ZFYVE28: variants seen among roughly 807,000 people sequenced by gnomAD.
The protein encoded by ZFYVE28 is lateral signaling target protein 2 homolog.
ZFYVE28 carries 40 observed loss-of-function variants against 82.1 expected under a neutral mutation model. The ratio of observed to expected loss-of-function variants is 0.49; its 90% CI spans 0.38 to 0.63. The LOEUF is 0.63. Ranked by LOEUF, ZFYVE28 falls within the 30% of genes least tolerant of loss-of-function variation. The probability of loss-of-function intolerance (pLI) is 0.00; values close to 1 mark genes in which losing one functional copy is unlikely to be tolerated. For missense variants in ZFYVE28, 1,321 were observed against 1,242.1 expected, an observed-to-expected ratio of 1.06 and a Z score of -0.96; for synonymous variants, 612 against 546.1, an observed-to-expected ratio of 1.12 and a Z score of -1.68.
chr4:2,391,455 CTTTTT>C (rs140103966), intron 1 of ZFYVE28, among the ~76,000 whole-genome samples: 61 of 117,224 alleles, frequency 5.2e-4, no homozygotes, highest in Non-Finnish European at 1.7e-4. Context: ...GGTCAATTAT[CTTTTT>C]TTTTTTTTTT....
In ZFYVE28 at chr4:2,333,000, T is replaced by C. The variant is rs1720960957; in HGVS notation, c.701+2705A>G. Among the ~76,000 whole-genome samples the C allele has an allele frequency of 6.6e-6, 1 of 151,844 alleles. No individual in the cohort carries two copies. Among genetic ancestry groups the C allele is most frequent in the South Asian group, 2.1e-4 (1 of 4,816 alleles). On this transcript the variant is annotated intron_variant, in intron 6 of 12. Transcript: ENST00000290974. The surrounding 1 kb of genome is among the most constrained non-coding windows in gnomAD (Gnocchi z 4.7). ...TTTGGGCTCTTATGCCCTCTCGCCC[T>C]TCCTCCCTCCTTCAATCCAAGCCCC...
intron 8 of ZFYVE28, among the ~76,000 whole-genome samples, chr4:2,294,394 T>C (rs1008923481): frequency 6.6e-6 from 1 of 152,238 alleles, no homozygotes; most frequent in African/African-American, 2.4e-5. Flanking sequence ...ACTTTCCTTA[T>C]GCAAAACAAA....
At chr4:2,336,867 G>GT (rs1560228348) in intron 5 of ZFYVE28, among the ~76,000 whole-genome samples, 3 of 122,810 alleles carry the variant, frequency 2.4e-5, no homozygotes, top group Admixed American at 8.7e-5. Flanking sequence ...AGGTGAGGAG[G>GT]GAGGAGGTGA....
intron 1 of ZFYVE28, among the ~76,000 whole-genome samples, chr4:2,413,642 CT>C (rs1220754543): frequency 1.3e-5 from 2 of 152,236 alleles, no homozygotes; most frequent in African/African-American, 4.8e-5. Flanking sequence ...GGACAACCCC[CT>C]GCCACAGCTG....
chr4:2,325,225 C>A (rs1719686779), intron 6 of ZFYVE28: 1 of 152,128 alleles, frequency 6.6e-6, no homozygotes, highest in Non-Finnish European at 1.5e-5. Flanking sequence ...AGCATAGAAT[C>A]TATACTAACT....
intron 8 of ZFYVE28, among the ~76,000 whole-genome samples, chr4:2,290,515 C>G (rs1713469218): frequency 6.6e-6 from 1 of 152,210 alleles, no homozygotes; most frequent in South Asian, 2.1e-4. Flanking sequence ...GGATGCAACG[C>G]TGCTCACTGA....
At chr4:2,388,411 G>T (rs1373201835) in intron 1 of ZFYVE28, among the ~76,000 whole-genome samples, 1 of 152,058 alleles carries the variant, frequency 6.6e-6, no homozygotes, top group East Asian at 1.9e-4. Flanking sequence ...CACAACGAGG[G>T]CTCCCACATC....
At chr4:2,376,162 C>G (rs1353111283) in intron 1 of ZFYVE28, among the ~76,000 whole-genome samples, 1 of 151,588 alleles carries the variant, frequency 6.6e-6, no homozygotes, top group Admixed American at 6.6e-5. Context: ...CATGAGCCAC[C>G]GTGCCTGGCC....
intron 6 of ZFYVE28, chr4:2,330,775 A>G (rs1720554769): frequency 6.6e-7 from 1 of 1,520,222 alleles, no homozygotes. Flanking sequence ...GGCAGTAGGG[A>G]TAGGACAGTC....
chr4:2,363,635 CT>C (rs1222414067), intron 1 of ZFYVE28, among the ~76,000 whole-genome samples: 1 of 152,190 alleles, frequency 6.6e-6, no homozygotes, highest in African/African-American at 2.4e-5. Context: ...AGTAATCAAC[CT>C]GTGTTGCGTA....
At chr4:2,276,861 TGAG>T (rs548686499) in intron 8 of ZFYVE28, among the ~76,000 whole-genome samples, 1 of 152,060 alleles carries the variant, frequency 6.6e-6, no homozygotes, top group Non-Finnish European at 1.5e-5. Flanking sequence ...TTTGGGAAGA[TGAG>T]GACGTTGCGG....
At chr4:2,317,640 G>T (rs1257726921) in intron 7 of ZFYVE28, among the ~76,000 whole-genome samples, 1 of 148,604 alleles carries the variant, frequency 6.7e-6, no homozygotes, top group East Asian at 2.0e-4. Context: ...TTGTTTGATT[G>T]TTTTTTTTTT....
chr4:2,398,699 G>A (rs115315791), intron 1 of ZFYVE28, among the ~76,000 whole-genome samples: 2,101 of 7,038 alleles, frequency 0.3, 391 homozygotes, highest in Admixed American at 0.33. Flanking sequence ...ATGGGGGGTC[G>A]AGATCCAGGG....
rs751493918 is a variant in ZFYVE28 at position 2,339,589 on chromosome 4, T to C, written c.385A>G (p.Lys129Glu). The C allele has an allele frequency of 1.2e-6, 2 of 1,612,182 alleles. No individual in the cohort carries two copies. Among genetic ancestry groups the C allele is most frequent in the Non-Finnish European group, 1.7e-6 (2 of 1,179,468 alleles). Residue 129 changes from lysine to glutamate, a missense_variant, in exon 4 of 13, where the codon AAG becomes GAG. Transcript: ENST00000290974. The surrounding 1 kb of genome is among the most constrained non-coding windows in gnomAD (Gnocchi z 5.0). Reference protein sequence around the residue: ...LESMAMRPLAKELTRSLEDVR... With the variant: ...LESMAMRPLAEELTRSLEDVR... ...TCCTCCAGGCTGCGCGTCAGCTCCT[T>C]GGCCAGCGGGCGCATGGCCATGCTC...
At chr4:2,385,215 G>A (rs1729125155) in intron 1 of ZFYVE28, among the ~76,000 whole-genome samples, 1 of 152,224 alleles carries the variant, frequency 6.6e-6, no homozygotes, top group African/African-American at 2.4e-5. Flanking sequence ...AGGACAGACA[G>A]ACCTGGGCCA....
Position 2,339,415 on chromosome 4 carries a change from C to T in ZFYVE28, c.521+38G>A, listed in dbSNP as rs752991740. The T allele has an allele frequency of 2.5e-6, 4 of 1,598,566 alleles. No individual in the cohort carries two copies. The highest frequency in any genetic ancestry group is 3.4e-6 in the Non-Finnish European group (4 of 1,171,346). ...GGAAGCTGGCACAACCGTCCCCCAG[C>T]TCATACAGCCAGGGCTGTGGACCCA... On this transcript the variant is annotated intron_variant, in intron 4 of 12. Coordinates refer to ENST00000290974, the MANE Select transcript of ZFYVE28 (RefSeq NM_020972.3). The surrounding 1 kb of genome is among the most constrained non-coding windows in gnomAD (Gnocchi z 5.0).
chr4:2,322,065 G>A (rs371162536), intron 6 of ZFYVE28, among the ~76,000 whole-genome samples: 27 of 152,232 alleles, frequency 1.8e-4, no homozygotes, highest in African/African-American at 6.0e-4. Flanking sequence ...GTTAGCTTTC[G>A]CGTGCTGGAC....
At chr4:2,317,458 T>G (rs1718395088) in intron 7 of ZFYVE28, among the ~76,000 whole-genome samples, 2 of 152,198 alleles carry the variant, frequency 1.3e-5, no homozygotes, top group African/African-American at 4.8e-5. Flanking sequence ...GAGGTTTGGC[T>G]GCGCTTAGGC....
intron 7 of ZFYVE28, among the ~76,000 whole-genome samples, chr4:2,313,286 G>T (rs1311828072): frequency 6.6e-6 from 1 of 151,454 alleles, no homozygotes; most frequent in Admixed American, 6.6e-5. Flanking sequence ...ATTTAGATAG[G>T]GTCTGGCTGT....
Sources: gnomAD v4.1 joint callset for allele counts (sites outside exome capture counted in the v4.1 genomes callset) on GRCh38, gnomAD v4.1.1 for gene constraint, Gnocchi (gnomAD v3.1) non-coding constraint, MANE v1.5 for transcripts, NCBI Gene and HGNC (gene_info 2026-07-23, HGNC 2026-07-21) for gene names.